The following KCNIP4 variants were observed in gnomAD, a reference collection of about 807,000 sequenced individuals.
KCNIP4 encodes Kv channel-interacting protein 4.
A neutral mutation model predicts 34.0 loss-of-function variants in KCNIP4; 12 were observed. The ratio of observed to expected loss-of-function variants is 0.35; its 90% CI spans 0.23 to 0.57. The LOEUF (loss-of-function observed/expected upper bound fraction) is 0.57. Ranked by LOEUF, KCNIP4 falls within the 20% of genes least tolerant of loss-of-function variation. The probability of loss-of-function intolerance (pLI) is 0.83; values close to 1 mark genes in which losing one functional copy is unlikely to be tolerated. For synonymous variants in KCNIP4, 124 were observed against 102.2 expected, an observed-to-expected ratio of 1.21 and a Z score of -1.29; for missense variants, 238 against 311.7, an observed-to-expected ratio of 0.76 and a Z score of 1.78.
At chr4:21,464,394 T>C (rs1479658134) in intron 1 of KCNIP4, among the ~76,000 whole-genome samples, 1 of 152,026 alleles carries the variant, frequency 6.6e-6, no homozygotes, top group Admixed American at 6.6e-5. Flanking sequence ...GTATGTTTTA[T>C]CTTCATTTTC....
chr4:21,786,817 C>T (rs1480814347), intron 1 of KCNIP4, among the ~76,000 whole-genome samples: 5 of 152,046 alleles, frequency 3.3e-5, no homozygotes, highest in Admixed American at 1.3e-4. Flanking sequence ...CCGCCCGCCT[C>T]GGCCTCCCAA....
intron 1 of KCNIP4, among the ~76,000 whole-genome samples, chr4:21,270,899 T>C (rs946370332): frequency 6.6e-6 from 1 of 150,474 alleles, no homozygotes; most frequent in African/African-American, 2.5e-5. Flanking sequence ...GGCAGGAGAA[T>C]TGCTTGAACC....
At chr4:21,925,792 C>A (rs371156319) in intron 1 of KCNIP4, among the ~76,000 whole-genome samples, 1 of 152,090 alleles carries the variant, frequency 6.6e-6, no homozygotes, top group South Asian at 2.1e-4. Context: ...CAAGACCCCA[C>A]GATAAGAGAG....
chr4:21,557,770 A>C (rs2109026825), intron 1 of KCNIP4, among the ~76,000 whole-genome samples: 1 of 152,248 alleles, frequency 6.6e-6, no homozygotes, highest in African/African-American at 2.4e-5. Context: ...AATGTTTCCC[A>C]AATGATTTAA....
At chr4:21,620,700 A>G (rs1744943908) in intron 1 of KCNIP4, among the ~76,000 whole-genome samples, 1 of 152,226 alleles carries the variant, frequency 6.6e-6, no homozygotes, top group Non-Finnish European at 1.5e-5. Context: ...TAAGTTTCCA[A>G]CTAAGCCCAA....
chr4:21,132,332 T>C (rs1340366064), intron 1 of KCNIP4, among the ~76,000 whole-genome samples: 1 of 152,182 alleles, frequency 6.6e-6, no homozygotes, highest in Non-Finnish European at 1.5e-5. Flanking sequence ...CTATAAATCA[T>C]TAAAGGCCTC....
chr4:21,029,054 T>A (rs949290639), intron 1 of KCNIP4, among the ~76,000 whole-genome samples: 1 of 152,182 alleles, frequency 6.6e-6, no homozygotes, highest in Non-Finnish European at 1.5e-5. Flanking sequence ...TTCAAAATGC[T>A]TCCCAACTTG....
intron 1 of KCNIP4, among the ~76,000 whole-genome samples, chr4:21,281,735 G>T (rs1762787870): frequency 6.6e-6 from 1 of 152,146 alleles, no homozygotes; most frequent in South Asian, 2.1e-4. Flanking sequence ...TTTGAAAATT[G>T]ATAACCTGTG....
In KCNIP4 at chr4:20,757,795, G is replaced by A. The variant is rs578149433; in HGVS notation, c.358+1026C>T. On this transcript the variant is annotated intron_variant, in intron 4 of 8. Transcript: ENST00000382152. ...TTAAAAAAATGAGGATTATAGGTAG[G>A]GTTGTTGGATGGTGAGGCATGCCAG... Among the ~76,000 whole-genome samples, 22 of 152,192 alleles carry A rather than the reference G, an allele frequency of 1.4e-4. No homozygotes were observed. In the South Asian group the frequency reaches 2.3e-3, roughly 16 times the overall value.
rs556469521 is a variant in KCNIP4, at chr4:21,504,395, G to T, written c.61+444176C>A. On this transcript the variant is annotated intron_variant, in intron 1 of 8. Coordinates refer to ENST00000382152, the MANE Select transcript of KCNIP4 (RefSeq NM_025221.6). ...AGGGAGGAGGATCGTTTGAACCTGG[G>T]AAGCAGAGGTTGCAGTGAACGGAGA... Among the ~76,000 whole-genome samples, 6 of 148,970 alleles carry T rather than the reference G, an allele frequency of 4.0e-5. No homozygotes were observed. The South Asian group carries it at 1.1e-3, about 26-fold the overall frequency.
At chr4:21,458,845 A>G (rs1169732354) in intron 1 of KCNIP4, among the ~76,000 whole-genome samples, 2 of 151,938 alleles carry the variant, frequency 1.3e-5, no homozygotes, top group African/African-American at 2.4e-5. Flanking sequence ...AGCTTCTACC[A>G]CTAGAGATTT....
At chr4:21,668,232 A>T (rs757946092) in intron 1 of KCNIP4, among the ~76,000 whole-genome samples, 5 of 152,080 alleles carry the variant, frequency 3.3e-5, no homozygotes, top group Non-Finnish European at 5.9e-5. Context: ...CCTATTGGGC[A>T]GTTGGGGGTG....
At chr4:21,193,114 T>TA (rs368675068) in intron 1 of KCNIP4, among the ~76,000 whole-genome samples, 32,384 of 141,398 alleles carry the variant, frequency 0.23, 7,877 homozygotes, top group African/African-American at 0.62. Context: ...AGACCCTGGC[T>TA]AAAAAAAAAA....
intron 1 of KCNIP4, among the ~76,000 whole-genome samples, chr4:21,041,334 A>G (rs1741948500): frequency 1.3e-5 from 2 of 152,084 alleles, no homozygotes; most frequent in Admixed American, 1.3e-4. Flanking sequence ...TGGCCTGTCA[A>G]TAATAAAAAC....
At chr4:21,823,527 A>T (rs967781076) in intron 1 of KCNIP4, among the ~76,000 whole-genome samples, 3 of 151,422 alleles carry the variant, frequency 2.0e-5, no homozygotes, top group African/African-American at 7.3e-5. Flanking sequence ...AAACAAAAAA[A>T]CTACAGTCCT....
chr4:21,599,791 A>T (rs10938849), intron 1 of KCNIP4, among the ~76,000 whole-genome samples: 104,365 of 151,886 alleles, frequency 0.69, 36,321 homozygotes, highest in East Asian at 0.89. Context: ...CAAAGGTGAA[A>T]TGCTCTGGAT....
rs1759122622 is a variant in KCNIP4 at position 21,234,261 on chromosome 4, C to CATATATT, written c.62-351553_62-351552insAATATAT. Among the ~76,000 whole-genome samples the CATATATT allele has an allele frequency of 2.7e-5, 3 of 110,680 alleles. 1 individual carries two copies. The highest frequency in any genetic ancestry group is 3.8e-5 in the African/African-American group (1 of 26,648). 72.6% of individuals were successfully genotyped at this position (110,680 alleles called of 152,430 possible). A position where few individuals can be genotyped will look rare whatever the true frequency, so the allele number is the denominator to read the frequency against. On this transcript the variant is annotated intron_variant, in intron 1 of 8. Coordinates refer to ENST00000382152, the MANE Select transcript of KCNIP4 (RefSeq NM_025221.6). ...TATATATAACATATATTATATATAA[C>CATATATT]ATATATAACATATATTATATATAAC...
At chr4:20,819,601 G>C (rs1418879986) in intron 3 of KCNIP4, among the ~76,000 whole-genome samples, 2 of 152,222 alleles carry the variant, frequency 1.3e-5, no homozygotes, top group African/African-American at 4.8e-5. Context: ...TAGTTTGAAT[G>C]GATGAGGTCC....
At chr4:21,333,720 A>G (rs865977694) in intron 1 of KCNIP4, among the ~76,000 whole-genome samples, 1 of 152,008 alleles carries the variant, frequency 6.6e-6, no homozygotes, top group Non-Finnish European at 1.5e-5. Flanking sequence ...ATGGCAATAC[A>G]TACTGGCATT....
Sources: gnomAD v4.1 joint callset for allele counts (sites outside exome capture counted in the v4.1 genomes callset) on GRCh38, gnomAD v4.1.1 for gene constraint, MANE v1.5 for transcripts, NCBI Gene and HGNC (gene_info 2026-07-23, HGNC 2026-07-21) for gene names.